Variants in CORO1C observed in about 807,000 individuals in gnomAD.
CORO1C encodes coronin-1C.
CORO1C carries 14 observed loss-of-function variants against 51.2 expected under a neutral mutation model. That is an observed-to-expected ratio of 0.27 (90% CI 0.18 to 0.43). The LOEUF is 0.43. Ranked by LOEUF, CORO1C falls within the 20% of genes least tolerant of loss-of-function variation. CORO1C has a pLI of 1.00. For missense variants in CORO1C, 417 were observed against 607.8 expected (o/e 0.69, Z 3.30); for synonymous variants, 181 against 210.5 (o/e 0.86, Z 1.21).
chr12:108,675,493 G>GA (rs373842865), intron 3 of CORO1C, among the ~76,000 whole-genome samples: 71 of 150,194 alleles, frequency 4.7e-4, no homozygotes, highest in African/African-American at 1.6e-3. Flanking sequence ...AAGGAACGGG[G>GA]AAAAAAAAAC....
intron 2 of CORO1C, among the ~76,000 whole-genome samples, chr12:108,694,157 C>G (rs1016399502): frequency 6.6e-6 from 1 of 151,912 alleles, no homozygotes; most frequent in Non-Finnish European, 1.5e-5. Context: ...TGGTACACAC[C>G]CGTAGTCCCA....
intron 5 of CORO1C, 77 bp from the exon 6 acceptor site, chr12:108,657,500 C>A: frequency 6.9e-7 from 1 of 1,458,574 alleles, no homozygotes. Context: ...GGCACAGATC[C>A]AACCTCACCA....
At position 108,719,308 on chromosome 12, in the gene CORO1C, C is replaced by A. The variant is rs56342329; in HGVS notation, c.-6+12121G>T. Among the ~76,000 whole-genome samples the A allele has an allele frequency of 7.5e-3, 1,140 of 152,216 alleles. 19 individuals are homozygous for A. Among genetic ancestry groups the A allele is most frequent in the African/African-American group, 0.026 (1,077 of 41,526 alleles). On this transcript the variant is annotated intron_variant, in intron 1 of 10. Coordinates refer to ENST00000261401, the MANE Select transcript of CORO1C (RefSeq NM_014325.4). ...AACTACATTTATGGTTTATGGTACC[C>A]TCAAAAAACTACCAGAAATAACACA...
intron 1 of CORO1C, chr12:108,702,714 TTTCCTCTAATTCCC>T: frequency 1.5e-6 from 2 of 1,378,992 alleles, no homozygotes; most frequent in Non-Finnish European, 1.9e-6. Flanking sequence ...TGCTAATTCC[TTTCCTCTAATTCCC>T]TTCCTCATGG....
At chr12:108,683,120 TA>T (rs1257250770) in intron 2 of CORO1C, among the ~76,000 whole-genome samples, 1 of 152,114 alleles carries the variant, frequency 6.6e-6, no homozygotes, top group African/African-American at 2.4e-5. Flanking sequence ...CCAAAGAATG[TA>T]AAATTATTAG....
chr12:108,654,124 A>T (rs938612914), intron 7 of CORO1C, among the ~76,000 whole-genome samples, 182 bp downstream of exon 7: 5 of 152,202 alleles, frequency 3.3e-5, no homozygotes, highest in Non-Finnish European at 7.3e-5. Flanking sequence ...CACAACTGGC[A>T]AGCTGCACAC....
At chr12:108,705,490 A>G (rs556441351) in intron 1 of CORO1C, among the ~76,000 whole-genome samples, 1 of 146,552 alleles carries the variant, frequency 6.8e-6, no homozygotes, top group African/African-American at 2.5e-5. Flanking sequence ...AAAGAATGTA[A>G]ACCAACCACA....
At chr12:108,713,198 C>T (rs2035232512) in intron 1 of CORO1C, among the ~76,000 whole-genome samples, 1 of 152,160 alleles carries the variant, frequency 6.6e-6, no homozygotes, top group South Asian at 2.1e-4. Context: ...CACAACAGAT[C>T]TCCTCATACA....
intron 3 of CORO1C, among the ~76,000 whole-genome samples, chr12:108,666,690 G>A (rs1307480287): frequency 6.6e-6 from 1 of 152,202 alleles, no homozygotes; most frequent in Non-Finnish European, 1.5e-5. Context: ...AGAAGACACA[G>A]GCTCCTGTCA....
At chr12:108,668,318 A>C (rs1170072997) in intron 3 of CORO1C, 9 of 152,240 alleles carry the variant, frequency 5.9e-5, no homozygotes, top group African/African-American at 1.2e-4. Context: ...CAGGGTTATA[A>C]TATCCTCTGG....
At chr12:108,654,227 T>C (rs900844066) in intron 7 of CORO1C, 79 bp downstream of exon 7, 12 of 904,858 alleles carry the variant, frequency 1.3e-5, no homozygotes, top group Non-Finnish European at 2.2e-5. Context: ...ATACAACACA[T>C]TGCCCGTCCT....
chr12:108,666,790 T>TTAA (rs2033495417), intron 3 of CORO1C, among the ~76,000 whole-genome samples: 4 of 152,202 alleles, frequency 2.6e-5, no homozygotes, highest in Admixed American at 2.6e-4. Flanking sequence ...ACAGCTGTGC[T>TTAA]TACTCAGGGG....
chr12:108,699,197 T>G (rs1386493042), intron 2 of CORO1C, among the ~76,000 whole-genome samples: 2 of 152,212 alleles, frequency 1.3e-5, no homozygotes, highest in Non-Finnish European at 2.9e-5. Context: ...ATTCATTAAG[T>G]GTAGGTCACT....
chr12:108,708,270 A>G (rs2035083251), intron 1 of CORO1C, among the ~76,000 whole-genome samples: 1 of 152,188 alleles, frequency 6.6e-6, no homozygotes, highest in African/African-American at 2.4e-5. Flanking sequence ...ACAAAATGTG[A>G]TATTACCTGT....
At chr12:108,681,724 AAGAATT>A (rs1368419357) in intron 2 of CORO1C, among the ~76,000 whole-genome samples, 1 of 152,226 alleles carries the variant, frequency 6.6e-6, no homozygotes, top group Admixed American at 6.5e-5. Flanking sequence ...ATTTGTCTCA[AAGAATT>A]GCTATATTAA....
chr12:108,728,954 C>A (rs1019269802), intron 1 of CORO1C, among the ~76,000 whole-genome samples: 2 of 152,150 alleles, frequency 1.3e-5, no homozygotes, highest in Non-Finnish European at 2.9e-5. Context: ...AAGTAGCTCT[C>A]AAATTTATTA....
At chr12:108,714,227 A>G (rs1206342083) in intron 1 of CORO1C, among the ~76,000 whole-genome samples, 2 of 151,904 alleles carry the variant, frequency 1.3e-5, no homozygotes, top group Non-Finnish European at 2.9e-5. Flanking sequence ...CATCTCTACT[A>G]AAAATACAAA....
At chr12:108,648,282 T>C (rs1370680263) in intron 10 of CORO1C, among the ~76,000 whole-genome samples, 1 of 152,106 alleles carries the variant, frequency 6.6e-6, no homozygotes, top group Non-Finnish European at 1.5e-5. Context: ...TTAACTAGTT[T>C]GGCAAAAGAC....
At chr12:108,691,103 G>A (rs1231868812) in intron 2 of CORO1C, among the ~76,000 whole-genome samples, 1 of 151,968 alleles carries the variant, frequency 6.6e-6, no homozygotes, top group African/African-American at 2.4e-5. Flanking sequence ...TTTGGGGGGT[G>A]GGAGGGGCTA....
Sources: gnomAD v4.1 joint callset for allele counts (sites outside exome capture counted in the v4.1 genomes callset) on GRCh38, gnomAD v4.1.1 for gene constraint, MANE v1.5 for transcripts, NCBI Gene and HGNC (gene_info 2026-07-23, HGNC 2026-07-21) for gene names.